LRCH3: variants seen among roughly 807,000 people sequenced by gnomAD.
LRCH3 encodes the protein DISP complex protein LRCH3.
A neutral mutation model predicts 104.5 loss-of-function variants in LRCH3; 68 were observed. The ratio of observed to expected loss-of-function variants is 0.65; its 90% CI spans 0.54 to 0.80. The LOEUF (loss-of-function observed/expected upper bound fraction) is 0.80. Ranked by LOEUF, LRCH3 falls within the 30% of genes least tolerant of loss-of-function variation. The probability of loss-of-function intolerance (pLI) is 0.00; values close to 1 mark genes in which losing one functional copy is unlikely to be tolerated. For missense variants in LRCH3, 951 were observed against 953.9 expected (o/e 1.00, Z 0.04); for synonymous variants, 344 against 361.3 (o/e 0.95, Z 0.54).
intron 20 of LRCH3, chr3:197,881,170 T>C: frequency 9.9e-7 from 1 of 1,010,324 alleles, no homozygotes; most frequent in South Asian, 4.1e-5. Flanking sequence ...AGAACCGTCG[T>C]GCCTTTTCTG....
chr3:197,842,998 T>A (rs1738033846), intron 10 of LRCH3, among the ~76,000 whole-genome samples: 1 of 150,584 alleles, frequency 6.6e-6, no homozygotes, highest in Non-Finnish European at 1.5e-5. Context: ...GGCAGGAGAA[T>A]CGCTTGAACC....
intron 17 of LRCH3, among the ~76,000 whole-genome samples, chr3:197,868,647 A>G (rs1711635306): frequency 6.6e-6 from 1 of 152,276 alleles, no homozygotes; most frequent in South Asian, 2.1e-4. Flanking sequence ...ATGGAATACC[A>G]TATAAGCAAT....
chr3:197,867,233 C>T (rs565951696), intron 17 of LRCH3, among the ~76,000 whole-genome samples: 6 of 152,096 alleles, frequency 3.9e-5, no homozygotes, highest in South Asian at 2.1e-4. Flanking sequence ...GCCAAGATGG[C>T]GCCACTATAC....
intron 1 of LRCH3, among the ~76,000 whole-genome samples, chr3:197,800,823 C>G (rs989538047): frequency 1.3e-5 from 2 of 152,110 alleles, no homozygotes; most frequent in African/African-American, 4.8e-5. Context: ...TGGCCAAGTG[C>G]GGTGGCTCAC....
At chr3:197,791,678 C>A in intron 1 of LRCH3, 138 bp downstream of exon 1, 1 of 1,005,430 alleles carries the variant, frequency 9.9e-7, no homozygotes, top group Non-Finnish European at 1.4e-6. Flanking sequence ...CGGGGAGAAG[C>A]CGACGGCGCC....
At chr3:197,817,143 C>G (rs1451986306) in intron 2 of LRCH3, 33 bp from the exon 3 acceptor site, 3 of 1,573,376 alleles carry the variant, frequency 1.9e-6, no homozygotes, top group Middle Eastern at 3.4e-4. Flanking sequence ...GTGGTGGACT[C>G]TGATTCTTCT....
intron 15 of LRCH3, among the ~76,000 whole-genome samples, chr3:197,860,149 G>T (rs1345834118): frequency 6.6e-6 from 1 of 151,956 alleles, no homozygotes; most frequent in African/African-American, 2.4e-5. Flanking sequence ...ATACAGATGC[G>T]CACCACCATG....
At chr3:197,809,216 C>A (rs948046412) in intron 1 of LRCH3, among the ~76,000 whole-genome samples, 2 of 150,462 alleles carry the variant, frequency 1.3e-5, no homozygotes, top group Non-Finnish European at 3.0e-5. Flanking sequence ...GAGGATCTCT[C>A]GAGCCCAAGA....
At chr3:197,806,272 A>G (rs1732475183) in intron 1 of LRCH3, among the ~76,000 whole-genome samples, 1 of 152,018 alleles carries the variant, frequency 6.6e-6, no homozygotes, top group Admixed American at 6.6e-5. Context: ...TAGATAGTTG[A>G]AGAACATTTC....
chr3:197,830,910 A>C (rs372755255), intron 7 of LRCH3, 47 bp downstream of exon 7: 10 of 1,410,582 alleles, frequency 7.1e-6, no homozygotes, highest in Non-Finnish European at 1.0e-5. Context: ...GATTAAGAGA[A>C]AACAGAATGA....
At chr3:197,879,753 C>T (rs995815366) in intron 20 of LRCH3, among the ~76,000 whole-genome samples, 2 of 152,112 alleles carry the variant, frequency 1.3e-5, no homozygotes, top group African/African-American at 4.8e-5. Context: ...GTCTTTGAAC[C>T]TTTTTGATGT....
intron 17 of LRCH3, among the ~76,000 whole-genome samples, chr3:197,868,023 C>CA (rs1042860212): frequency 2.6e-5 from 4 of 151,240 alleles, no homozygotes; most frequent in Admixed American, 2.0e-4. Flanking sequence ...AACCCTGTCT[C>CA]AAAAAAACAA....
At position 197,847,962 on chromosome 3, in the gene LRCH3, G is replaced by T; in HGVS notation, c.1471G>T (p.Glu491Ter). 6.2e-7 allele frequency: 1 copy of T among 1,614,150 alleles called. No homozygotes were observed. The highest frequency in any genetic ancestry group is 8.5e-7 in the Non-Finnish European group (1 of 1,180,012). Residue 491 changes from glutamate to a stop codon, truncating the protein, a stop_gained, in exon 12 of 21, where the codon GAG becomes TAG. Coordinates refer to ENST00000425562, the MANE Select transcript of LRCH3 (RefSeq NM_001365715.1). LOFTEE classifies it high-confidence loss of function. ...REAQLAALQY[E>*]EEKIRTKQIQ... is the part of the protein sequence containing the mutation. ...GGCTCAGCTTGCTGCCCTGCAGTAT[G>T]AGGAGGAGAAAATAAGGACCAAGCA...
At chr3:197,860,742 G>A (rs138175683) in intron 15 of LRCH3, among the ~76,000 whole-genome samples, 384 of 152,174 alleles carry the variant, frequency 2.5e-3, no homozygotes, top group Middle Eastern at 0.017. Context: ...TATCCTTTGT[G>A]TTACAAACAA....
intron 1 of LRCH3, among the ~76,000 whole-genome samples, chr3:197,799,870 C>T (rs553648916): frequency 4.2e-4 from 63 of 149,950 alleles, no homozygotes; most frequent in African/African-American, 1.4e-3. Context: ...GAGACTCGCT[C>T]TCAAAACAAA....
chr3:197,840,036 C>T (rs1253516174), intron 10 of LRCH3, among the ~76,000 whole-genome samples: 1 of 151,232 alleles, frequency 6.6e-6, no homozygotes, highest in East Asian at 1.9e-4. Context: ...TTTTAACTTA[C>T]ATTTTTGACT....
At chr3:197,814,080 C>T (rs998435244) in intron 1 of LRCH3, among the ~76,000 whole-genome samples, 1 of 152,046 alleles carries the variant, frequency 6.6e-6, no homozygotes, top group African/African-American at 2.4e-5. Flanking sequence ...ATTTTTCCTT[C>T]AGTTGCATTA....
rs935390340 is a variant in LRCH3, at chr3:197,855,318, A to G, written c.1644+873A>G. Among the ~76,000 whole-genome samples, 5 of 152,232 alleles carry G rather than the reference A, an allele frequency of 3.3e-5. No homozygotes were observed. In the South Asian group the frequency reaches 6.2e-4, roughly 19 times the overall value. ...CTGGGCGGTCTTATAGGTGAATACA[A>G]TCATCACACTCTAGAGTTTTAGTTT... On this transcript the variant is annotated intron_variant, in intron 14 of 20. Coordinates refer to ENST00000425562, the MANE Select transcript of LRCH3 (RefSeq NM_001365715.1).
At chr3:197,811,701 T>C (rs1733142139) in intron 1 of LRCH3, among the ~76,000 whole-genome samples, 1 of 152,232 alleles carries the variant, frequency 6.6e-6, no homozygotes, top group African/African-American at 2.4e-5. Context: ...TAAGTCCTAA[T>C]GTCATAATTA....
Sources: allele counts gnomAD v4.1 joint callset (sites outside exome capture counted in the v4.1 genomes callset), GRCh38; gene constraint gnomAD v4.1.1; transcripts MANE v1.5; gene names NCBI Gene and HGNC (gene_info 2026-07-23, HGNC 2026-07-21).